PTPRN2: variants seen among roughly 807,000 people sequenced by gnomAD.
PTPRN2 encodes the protein receptor-type tyrosine-protein phosphatase N2.
In PTPRN2, 74 loss-of-function variants were observed where a neutral mutation model predicts 118.8. The observed-to-expected ratio is 0.62, with a 90% CI of 0.52 to 0.76. The LOEUF is 0.76. PTPRN2 is among the 30% of genes least tolerant of loss of function. The probability of loss-of-function intolerance (pLI) is 0.00; values close to 1 mark genes in which losing one functional copy is unlikely to be tolerated. For missense variants in PTPRN2, 1,481 were observed against 1,394.4 expected (o/e 1.06, Z -0.99); for synonymous variants, 641 against 608.0 (o/e 1.05, Z -0.80).
chr7:158,155,049 C>T (rs10249470), intron 6 of PTPRN2, among the ~76,000 whole-genome samples: 94,470 of 152,092 alleles, frequency 0.62, 30,365 homozygotes, highest in East Asian at 0.79. Flanking sequence ...AACTGCACCA[C>T]GTAATTCTGC....
intron 11 of PTPRN2, among the ~76,000 whole-genome samples, chr7:157,983,577 G>A (rs866183005): frequency 1.1e-4 from 17 of 150,236 alleles, no homozygotes; most frequent in Admixed American, 5.3e-4. Flanking sequence ...GGCCTCCCCC[G>A]CCCCCGCCCA....
intron 12 of PTPRN2, among the ~76,000 whole-genome samples, chr7:157,719,212 G>C (rs1035125608): frequency 6.6e-6 from 1 of 152,212 alleles, no homozygotes; most frequent in African/African-American, 2.4e-5. Context: ...TGTGGCCGCA[G>C]GTGGTCACGG....
intron 2 of PTPRN2, among the ~76,000 whole-genome samples, chr7:158,326,648 AC>A (rs2151131013): frequency 3.7e-5 from 1 of 26,668 alleles, no homozygotes; most frequent in East Asian, 7.7e-4. Flanking sequence ...ACGTTTTCAC[AC>A]ATGCTCACAC....
At chr7:157,905,808 C>T (rs1235762157) in intron 11 of PTPRN2, among the ~76,000 whole-genome samples, 1 of 152,148 alleles carries the variant, frequency 6.6e-6, no homozygotes, top group East Asian at 1.9e-4. Flanking sequence ...AGCACCCAGG[C>T]CCGGGGTGAA....
intron 2 of PTPRN2, among the ~76,000 whole-genome samples, chr7:158,483,578 G>C (rs539029930): frequency 1.3e-5 from 2 of 152,312 alleles, no homozygotes; most frequent in African/African-American, 4.8e-5. Context: ...ATCTGAGAGG[G>C]ACAAGCTTAT....
chr7:157,548,261 C>T (rs113213431), intron 22 of PTPRN2, among the ~76,000 whole-genome samples: 2,925 of 152,094 alleles, frequency 0.019, 95 homozygotes, highest in African/African-American at 0.068. Context: ...CAACAAAAAC[C>T]GAATAAAATA....
chr7:157,921,250 C>A (rs1172703625), intron 11 of PTPRN2, among the ~76,000 whole-genome samples: 10 of 152,114 alleles, frequency 6.6e-5, no homozygotes, highest in Admixed American at 6.5e-4. Flanking sequence ...CTGCATGATT[C>A]CAACGCTAAG....
At chr7:157,882,014 G>T (rs1013510871) in intron 12 of PTPRN2, among the ~76,000 whole-genome samples, 1 of 149,372 alleles carries the variant, frequency 6.7e-6, no homozygotes, top group African/African-American at 2.5e-5. Context: ...AACAGAACAT[G>T]CTGCCCCAAA....
rs1563396093 is a variant in PTPRN2 at position 158,525,259 on chromosome 7, C to G, written c.113-35474G>C. ...AAGTAGTCCAGAGGTGAAAGTTTCT[C>G]TATTTTGGAAACTGGGCATCTGCCA... On this transcript the variant is annotated intron_variant, in intron 1 of 22. Coordinates refer to ENST00000389418, the MANE Select transcript of PTPRN2 (RefSeq NM_002847.5). The surrounding 1 kb of genome is among the most constrained non-coding windows in gnomAD (Gnocchi z 4.1). Among the ~76,000 whole-genome samples the G allele has an allele frequency of 1.3e-5, 2 of 152,176 alleles. No individual in the cohort carries two copies. The highest frequency in any genetic ancestry group is 2.9e-5 in the Non-Finnish European group (2 of 68,034).
chr7:158,204,142 C>T (rs1178270481), intron 4 of PTPRN2, among the ~76,000 whole-genome samples: 2 of 151,918 alleles, frequency 1.3e-5, no homozygotes, highest in African/African-American at 2.4e-5. Flanking sequence ...GCAGCCCCCG[C>T]CCTCAGTGTG....
At position 158,273,410 on chromosome 7, in the gene PTPRN2, G is replaced by A. The variant is rs1010954906; in HGVS notation, c.277+43409C>T. Among the ~76,000 whole-genome samples the A allele has an allele frequency of 1.2e-4, 13 of 104,810 alleles. 1 individual carries two copies. The East Asian group carries it at 3.3e-3, about 26-fold the overall frequency. 68.8% of individuals were successfully genotyped at this position (104,810 alleles called of 152,430 possible). A position where few individuals can be genotyped will look rare whatever the true frequency, so the allele number is the denominator to read the frequency against. On this transcript the variant is annotated intron_variant, in intron 3 of 22. Coordinates refer to ENST00000389418, the MANE Select transcript of PTPRN2 (RefSeq NM_002847.5). Reference sequence around the variant, plus strand: ...CGTGGATGCAGACACGGGAGGAGCCGCAGACAGACGCGGGAGGAGCCGCAG... The same window carrying A: ...CGTGGATGCAGACACGGGAGGAGCCACAGACAGACGCGGGAGGAGCCGCAG...
chr7:158,447,915 G>A (rs1640958031), intron 2 of PTPRN2, among the ~76,000 whole-genome samples: 1 of 152,230 alleles, frequency 6.6e-6, no homozygotes, highest in African/African-American at 2.4e-5. Flanking sequence ...TCCTGGCCAT[G>A]CTACCCAGCC....
At chr7:158,142,290 C>A (rs565957548) in intron 6 of PTPRN2, among the ~76,000 whole-genome samples, 1 of 152,374 alleles carries the variant, frequency 6.6e-6, no homozygotes, top group South Asian at 2.1e-4. Context: ...CGGGCAGCCC[C>A]TGGCCCCGGA....
intron 6 of PTPRN2, among the ~76,000 whole-genome samples, chr7:158,156,406 C>T (rs983392148): frequency 6.6e-6 from 1 of 152,134 alleles, no homozygotes; most frequent in Admixed American, 6.5e-5. Flanking sequence ...CGACAGGTAA[C>T]GCAGCTCACC....
intron 12 of PTPRN2, among the ~76,000 whole-genome samples, chr7:157,773,662 CCT>C (rs1803020121): frequency 6.6e-6 from 1 of 152,248 alleles, no homozygotes; most frequent in African/African-American, 2.4e-5. Flanking sequence ...CCAGTGCCTC[CCT>C]CTGTCTGTGT....
At chr7:158,428,992 A>C (rs1402127357) in intron 2 of PTPRN2, among the ~76,000 whole-genome samples, 1 of 152,346 alleles carries the variant, frequency 6.6e-6, no homozygotes, top group East Asian at 1.9e-4. Context: ...AGCCAGCTAC[A>C]TCAACCTGTG....
At chr7:158,114,066 T>TA (rs1011465894) in intron 9 of PTPRN2, among the ~76,000 whole-genome samples, 7 of 152,030 alleles carry the variant, frequency 4.6e-5, no homozygotes, top group Admixed American at 2.0e-4. Flanking sequence ...GTATTTAAAA[T>TA]AAAAAAACCA....
intron 12 of PTPRN2, among the ~76,000 whole-genome samples, chr7:157,847,873 A>C (rs56802281): frequency 4.4e-4 from 45 of 102,490 alleles, no homozygotes; most frequent in Admixed American, 8.3e-4. Flanking sequence ...CTCTCTCATT[A>C]CATCATGTGT....
intron 3 of PTPRN2, among the ~76,000 whole-genome samples, chr7:158,293,562 C>A (rs1309461511): frequency 6.6e-6 from 1 of 151,448 alleles, no homozygotes; most frequent in Non-Finnish European, 1.5e-5. Context: ...GGTGACAGAG[C>A]AAGACTCTGT....
Sources: allele counts gnomAD v4.1 joint callset (sites outside exome capture counted in the v4.1 genomes callset), GRCh38; gene constraint gnomAD v4.1.1; non-coding constraint Gnocchi (gnomAD v3.1); transcripts MANE v1.5; gene names NCBI Gene and HGNC (gene_info 2026-07-23, HGNC 2026-07-21).